The following NRXN1 variants were observed in gnomAD, a reference collection of about 807,000 sequenced individuals.
The protein encoded by NRXN1 is neurexin-1.
Under a neutral mutation model 150.9 loss-of-function variants are expected in NRXN1, and 39 were observed. The observed-to-expected ratio is 0.26, with a 90% CI of 0.20 to 0.34. The LOEUF (loss-of-function observed/expected upper bound fraction) is 0.34, where lower values mean the gene tolerates loss of function less well. NRXN1 is among the 10% of genes least tolerant of loss of function. The pLI is 1.00. For synonymous variants in NRXN1, 924 were observed against 757.0 expected (o/e 1.22, Z -3.62); for missense variants, 1,815 against 1,949.9 (o/e 0.93, Z 1.30).
At chr2:50,107,051 T>G (rs1187145454) in intron 18 of NRXN1, among the ~76,000 whole-genome samples, 2 of 151,946 alleles carry the variant, frequency 1.3e-5, no homozygotes, top group East Asian at 1.9e-4. Flanking sequence ...CAGGCAATAC[T>G]TAAGTTCTCC....
At chr2:50,963,510 T>A (rs1435657202) in intron 2 of NRXN1, among the ~76,000 whole-genome samples, 1 of 151,738 alleles carries the variant, frequency 6.6e-6, no homozygotes, top group Non-Finnish European at 1.5e-5. Context: ...GCTTTATTTT[T>A]AATTTTCCCC....
intron 5 of NRXN1, among the ~76,000 whole-genome samples, chr2:50,675,246 A>G (rs1423020098): frequency 1.3e-5 from 2 of 152,154 alleles, no homozygotes; most frequent in Non-Finnish European, 2.9e-5. Context: ...AAGACAGAAG[A>G]GACTAAGAAG....
At chr2:50,451,322 A>G (rs1259766648) in intron 17 of NRXN1, among the ~76,000 whole-genome samples, 1 of 152,186 alleles carries the variant, frequency 6.6e-6, no homozygotes, top group African/African-American at 2.4e-5. Context: ...TCTGAAATAA[A>G]AAGTATAAAT....
intron 18 of NRXN1, among the ~76,000 whole-genome samples, chr2:50,186,734 C>G (rs758968173): frequency 1.3e-5 from 2 of 151,770 alleles, no homozygotes; most frequent in African/African-American, 4.8e-5. Context: ...ATTTAACCAG[C>G]GGAATTTGTG....
intron 17 of NRXN1, among the ~76,000 whole-genome samples, chr2:50,399,789 T>TAAAAAAAAAAAAAAAAAAAAAA (rs562980355): frequency 1.7e-5 from 1 of 60,526 alleles, no homozygotes; most frequent in Non-Finnish European, 3.0e-5. Context: ...AGAGAACTGG[T>TAAAAAAAAAAAAAAAAAAAAAA]AAAAAAAAAA....
chr2:50,373,323 T>TATTATA, intron 17 of NRXN1, among the ~76,000 whole-genome samples: 1 of 146,930 alleles, frequency 6.8e-6, no homozygotes, highest in East Asian at 2.0e-4. Context: ...TTATTATTAT[T>TATTATA]ATTATTATTT....
chr2:50,806,941 T>C (rs1167532033), intron 5 of NRXN1, among the ~76,000 whole-genome samples: 9 of 152,162 alleles, frequency 5.9e-5, no homozygotes, highest in Non-Finnish European at 1.3e-4. Context: ...TGACAAAATA[T>C]TTAGTTCAGC....
intron 22 of NRXN1, among the ~76,000 whole-genome samples, chr2:49,940,514 C>G (rs1260054748): frequency 6.6e-6 from 1 of 152,044 alleles, no homozygotes; most frequent in East Asian, 1.9e-4. Context: ...GAAACAATGA[C>G]CTGCAGGAGG....
chr2:50,731,373 C>T (rs929261576), intron 5 of NRXN1, among the ~76,000 whole-genome samples: 7 of 152,126 alleles, frequency 4.6e-5, no homozygotes, highest in Admixed American at 6.5e-5. Flanking sequence ...TTTGTAAGTT[C>T]GCTGTTCGAA....
chr2:50,143,193 G>C (rs1177558859), intron 18 of NRXN1, among the ~76,000 whole-genome samples: 1 of 151,348 alleles, frequency 6.6e-6, no homozygotes, highest in African/African-American at 2.4e-5. Context: ...AAAAATAAAA[G>C]AGAATGAGGA....
intron 21 of NRXN1, among the ~76,000 whole-genome samples, chr2:50,033,726 C>T (rs1372824865): frequency 6.6e-6 from 1 of 151,772 alleles, no homozygotes; most frequent in Non-Finnish European, 1.5e-5. Flanking sequence ...GCAAACTACG[C>T]AGCTGACAAA....
In NRXN1 at chr2:50,165,435, G is replaced by A. The variant is rs528493230; in HGVS notation, c.3546+71354C>T. Among the ~76,000 whole-genome samples, 599 of 152,068 alleles carry A rather than the reference G, an allele frequency of 3.9e-3. 1 individual carries two copies. Among genetic ancestry groups the A allele is most frequent in the Middle Eastern group, 6.8e-3 (2 of 294 alleles). On this transcript the variant is annotated intron_variant, in intron 18 of 22. Transcript: ENST00000401669. ...GCAATCTCAGCTCACCGCAACCTCC[G>A]CCTGCCGAGTTCAAGCGATTCTCTT...
At chr2:50,803,864 T>C (rs1039798693) in intron 5 of NRXN1, among the ~76,000 whole-genome samples, 2 of 152,208 alleles carry the variant, frequency 1.3e-5, no homozygotes, top group African/African-American at 4.8e-5. Context: ...CTCTTGATGA[T>C]AACCCCAGGC....
chr2:50,464,503 A>G (rs936102477), intron 17 of NRXN1: 1 of 151,952 alleles, frequency 6.6e-6, no homozygotes, highest in Non-Finnish European at 1.5e-5. Flanking sequence ...GGTCAAAATG[A>G]ACAAGCTCTA....
At position 49,971,462 on chromosome 2, in the gene NRXN1, A is replaced by G. The variant is rs534970729; in HGVS notation, c.4129-27671T>C. Among the ~76,000 whole-genome samples the G allele has an allele frequency of 2.6e-5, 4 of 152,322 alleles. No homozygotes were observed. In the South Asian group the frequency reaches 8.3e-4, roughly 32 times the overall value. ...AAATGTTATTGTAACCAGACATTTAATAACAGTTCAGGACTCTTGTAGTTT... is the reference window on the plus strand; with the variant it reads ...AAATGTTATTGTAACCAGACATTTAGTAACAGTTCAGGACTCTTGTAGTTT... On this transcript the variant is annotated intron_variant, in intron 21 of 22. Transcript: ENST00000401669.
intron 2 of NRXN1, among the ~76,000 whole-genome samples, chr2:50,944,631 A>C (rs1462353458): frequency 2.6e-5 from 4 of 152,188 alleles, no homozygotes; most frequent in African/African-American, 9.6e-5. Context: ...CTATCTGGCA[A>C]AAGGAAATTG....
intron 19 of NRXN1, among the ~76,000 whole-genome samples, chr2:50,058,420 C>CT: frequency 6.6e-6 from 1 of 152,238 alleles, no homozygotes; most frequent in South Asian, 2.1e-4. Context: ...AACTGAAGAA[C>CT]TTTTTAATTA....
chr2:50,757,602 A>T (rs1206624368), intron 5 of NRXN1, among the ~76,000 whole-genome samples: 1 of 151,782 alleles, frequency 6.6e-6, no homozygotes, highest in Non-Finnish European at 1.5e-5. Flanking sequence ...CTCCCTTTTT[A>T]AAAAGTTCTC....
At chr2:50,270,385 A>G (rs2069433978) in intron 17 of NRXN1, among the ~76,000 whole-genome samples, 1 of 152,162 alleles carries the variant, frequency 6.6e-6, no homozygotes, top group Non-Finnish European at 1.5e-5. Flanking sequence ...TCTAGAAAAT[A>G]TTGAGCGTTG....
Sources: allele counts gnomAD v4.1 joint callset (sites outside exome capture counted in the v4.1 genomes callset), GRCh38; gene constraint gnomAD v4.1.1; transcripts MANE v1.5; gene names NCBI Gene and HGNC (gene_info 2026-07-23, HGNC 2026-07-21).